The following SBF2 variants were observed in gnomAD, a reference collection of about 807,000 sequenced individuals.
The protein encoded by SBF2 is SET binding factor 2.
A neutral mutation model predicts 225.2 loss-of-function variants in SBF2; 112 were observed. That is an observed-to-expected ratio of 0.50 (90% CI 0.43 to 0.58). The LOEUF (loss-of-function observed/expected upper bound fraction) is 0.58, where lower values mean the gene tolerates loss of function less well. Among genes scored for constraint, SBF2 ranks in the 20% least tolerant of loss-of-function variants. The pLI, the probability that SBF2 is intolerant of heterozygous loss-of-function variation, is 0.00. For synonymous variants in SBF2, 763 were observed against 773.3 expected (o/e 0.99, Z 0.22); for missense variants, 1,996 against 2,206.2 (o/e 0.90, Z 1.91).
chr11:10,222,506 G>C (rs1309216867), intron 1 of SBF2, among the ~76,000 whole-genome samples: 1 of 152,138 alleles, frequency 6.6e-6, no homozygotes, highest in Non-Finnish European at 1.5e-5. Flanking sequence ...TTCACTGATG[G>C]CTTAACAGCA....
In SBF2 at chr11:9,968,521, A is replaced by T; in HGVS notation, c.1420T>A (p.Phe474Ile). The T allele has an allele frequency of 6.2e-7, 1 of 1,614,064 alleles. No individual in the cohort carries two copies. ...TCTGTTGGCCGTGGAACTTTCTGGA[A>T]TGCCATATGAGGATTTGGATTCTCC... is the stretch of plus-strand genomic sequence containing the variant. Reference protein sequence around the residue: ...KNENPNPHMAFQKVPRPTEGS... With the variant: ...KNENPNPHMAIQKVPRPTEGS... Residue 474 changes from phenylalanine (F) to isoleucine (I), a missense_variant, in exon 14 of 40, where the codon TTC becomes ATC. Phe to Ile is a conservative substitution (Grantham distance 21). Transcript: ENST00000256190.
intron 36 of SBF2, among the ~76,000 whole-genome samples, chr11:9,787,161 TG>T (rs1852428178): frequency 6.6e-6 from 1 of 152,236 alleles, no homozygotes; most frequent in Admixed American, 6.5e-5. Context: ...CCCAAAGTGC[TG>T]GGATTATAGG....
At chr11:10,179,979 G>T (rs1381230874) in intron 2 of SBF2, among the ~76,000 whole-genome samples, 1 of 152,046 alleles carries the variant, frequency 6.6e-6, no homozygotes, top group African/African-American at 2.4e-5. Flanking sequence ...CAAGCAAAAA[G>T]AAAAATAAAA....
At chr11:10,085,547 T>G (rs1309317421) in intron 2 of SBF2, among the ~76,000 whole-genome samples, 1 of 152,246 alleles carries the variant, frequency 6.6e-6, no homozygotes, top group Non-Finnish European at 1.5e-5. Flanking sequence ...TATCATTTTC[T>G]GTTCATTTTT....
intron 1 of SBF2, among the ~76,000 whole-genome samples, chr11:10,290,835 C>T (rs1009523188): frequency 6.6e-6 from 1 of 152,116 alleles, no homozygotes; most frequent in African/African-American, 2.4e-5. Context: ...CCTATACTTA[C>T]CAGCCCTGAC....
chr11:9,970,879 T>C (rs938302311), intron 13 of SBF2, among the ~76,000 whole-genome samples: 3 of 152,236 alleles, frequency 2.0e-5, no homozygotes, highest in Non-Finnish European at 4.4e-5. Context: ...CAACTCTTAG[T>C]AATCACTCTT....
rs1851916621 is a variant in SBF2, at chr11:9,780,126, T to TG, written c.*291dup. 4.8e-6 allele frequency: 2 copies of TG among 415,190 alleles called. No homozygotes were observed. Among genetic ancestry groups the TG allele is most frequent in the Non-Finnish European group, 9.1e-6 (2 of 220,898 alleles). The allele number at this position is 415,190 out of a possible 1,614,324, so 25.7% of individuals were successfully genotyped here. A position where few individuals can be genotyped will look rare whatever the true frequency, so the allele number is the denominator to read the frequency against. Reference sequence around the variant, plus strand: ...CCAAGTAGGTGGTAGCCATTTTGCCTGGGTGAGGTTCACAGTTGGCTCAGG... The same window carrying TG: ...CCAAGTAGGTGGTAGCCATTTTGCCTGGGGTGAGGTTCACAGTTGGCTCAGG... On this transcript the variant is annotated 3_prime_UTR_variant, in exon 40 of 40. Transcript: ENST00000256190.
chr11:10,027,195 C>G (rs1036927500), intron 6 of SBF2, among the ~76,000 whole-genome samples: 2 of 152,016 alleles, frequency 1.3e-5, no homozygotes, highest in Non-Finnish European at 1.5e-5. Flanking sequence ...ACTTATTTCT[C>G]CTAATTGAAA....
chr11:9,994,841 A>T (rs1374468668), intron 9 of SBF2, among the ~76,000 whole-genome samples: 1 of 152,098 alleles, frequency 6.6e-6, no homozygotes, highest in East Asian at 1.9e-4. Context: ...ATTTGAAACC[A>T]GCCTGGCCAA....
intron 16 of SBF2, among the ~76,000 whole-genome samples, chr11:9,943,954 A>G (rs1865425741): frequency 6.6e-6 from 1 of 152,222 alleles, no homozygotes; most frequent in South Asian, 2.1e-4. Context: ...CACTGTGTTT[A>G]GTTACAACAC....
intron 13 of SBF2, among the ~76,000 whole-genome samples, chr11:9,969,865 C>T (rs1207553711): frequency 6.6e-6 from 1 of 152,198 alleles, no homozygotes; most frequent in Non-Finnish European, 1.5e-5. Context: ...CTGCCTGGCA[C>T]ACAGCAGGCA....
intron 9 of SBF2, among the ~76,000 whole-genome samples, chr11:9,997,477 G>A (rs1947753164): frequency 6.6e-6 from 1 of 152,122 alleles, no homozygotes; most frequent in Non-Finnish European, 1.5e-5. Context: ...TATTCATATG[G>A]CATTAAGAAT....
intron 16 of SBF2, chr11:9,928,763 C>A (rs1303141441): frequency 5.4e-6 from 1 of 184,280 alleles, no homozygotes; most frequent in Non-Finnish European, 1.1e-5. Context: ...TTGGAATCTG[C>A]CGTTTGATAC....
At chr11:10,228,074 T>C (rs965788924) in intron 1 of SBF2, among the ~76,000 whole-genome samples, 4 of 151,786 alleles carry the variant, frequency 2.6e-5, no homozygotes, top group Non-Finnish European at 5.9e-5. Flanking sequence ...CTTTATTCTC[T>C]TTGAAGCAAT....
intron 23 of SBF2, among the ~76,000 whole-genome samples, chr11:9,846,257 C>G (rs748390233): frequency 2.0e-5 from 3 of 152,140 alleles, no homozygotes; most frequent in Non-Finnish European, 4.4e-5. Context: ...AGATCAGCAG[C>G]CTTACATTTC....
chr11:10,120,661 C>T (rs1953394639), intron 2 of SBF2, among the ~76,000 whole-genome samples: 1 of 152,108 alleles, frequency 6.6e-6, no homozygotes. Flanking sequence ...CGCTCTGTCA[C>T]CCAGGCTGGA....
chr11:10,088,369 T>G (rs762080310), intron 2 of SBF2, among the ~76,000 whole-genome samples: 1 of 152,178 alleles, frequency 6.6e-6, no homozygotes, highest in Non-Finnish European at 1.5e-5. Context: ...ATGTGGCCAT[T>G]CCACAGAAAA....
intron 1 of SBF2, among the ~76,000 whole-genome samples, chr11:10,228,926 G>A (rs1436761026): frequency 2.6e-5 from 4 of 151,998 alleles, no homozygotes; most frequent in East Asian, 3.8e-4. Flanking sequence ...GGTAGAATTC[G>A]GCTGTGAATC....
At chr11:9,992,354 A>T in intron 12 of SBF2, 61 bp downstream of exon 12, 2 of 1,382,352 alleles carry the variant, frequency 1.4e-6, no homozygotes, top group African/African-American at 1.5e-5. Flanking sequence ...GTTACTTTTT[A>T]CTTTTAACTA....
Sources: allele counts gnomAD v4.1 joint callset (sites outside exome capture counted in the v4.1 genomes callset), GRCh38; gene constraint gnomAD v4.1.1; transcripts MANE v1.5; gene names NCBI Gene and HGNC (gene_info 2026-07-23, HGNC 2026-07-21).